The following ZNF462 variants were observed in gnomAD, a reference collection of about 807,000 sequenced individuals.
ZNF462 encodes the protein zinc finger PBX1-interacting protein.
ZNF462 carries 10 observed loss-of-function variants against 201.9 expected under a neutral mutation model. The observed-to-expected ratio is 0.05, with a 90% CI of 0.03 to 0.08. The LOEUF (loss-of-function observed/expected upper bound fraction) is 0.08, where lower values mean the gene tolerates loss of function less well. Among genes scored for constraint, ZNF462 ranks in the 10% least tolerant of loss-of-function variants. ZNF462 has a pLI of 1.00. For synonymous variants in ZNF462, 1,227 were observed against 1,193.3 expected (o/e 1.03, Z -0.58); for missense variants, 2,523 against 3,168.3 (o/e 0.80, Z 4.89).
At chr9:106,873,298 G>A (rs1264785591) in intron 1 of ZNF462, among the ~76,000 whole-genome samples, 1 of 151,820 alleles carries the variant, frequency 6.6e-6, no homozygotes, top group African/African-American at 2.4e-5. Flanking sequence ...GGAGATGATA[G>A]GGAAAAAAAG....
rs1031161815 is a variant in ZNF462, at chr9:106,905,240, TG to T, written c.-30-18109del. ...CGAGTCCACCCAGCAACAGGCTGGT[TG>T]GGGGTTTCTGCACAGAGTCCTGTGA... On this transcript the variant is annotated intron_variant, in intron 1 of 12. Coordinates refer to ENST00000277225, the MANE Select transcript of ZNF462 (RefSeq NM_021224.6). This position sits in a 1 kb window ranked among gnomAD's most constrained non-coding sequence, Gnocchi z 5.9. Among the ~76,000 whole-genome samples the T allele has an allele frequency of 1.3e-5, 2 of 152,112 alleles. No homozygotes were observed. The highest frequency in any genetic ancestry group is 4.8e-5 in the African/African-American group (2 of 41,440).
intron 11 of ZNF462, among the ~76,000 whole-genome samples, chr9:107,007,009 T>G (rs1330592672): frequency 1.3e-5 from 2 of 152,196 alleles, no homozygotes; most frequent in African/African-American, 4.8e-5. Context: ...AATGATTTCT[T>G]AACATCTCTG....
intron 1 of ZNF462, among the ~76,000 whole-genome samples, chr9:106,922,009 T>C (rs1295349475): frequency 6.6e-6 from 1 of 152,206 alleles, no homozygotes; most frequent in Non-Finnish European, 1.5e-5. Context: ...CCAGAAGTTA[T>C]TTTAGCAGGC....
In ZNF462 at chr9:106,927,360, G is replaced by A; in HGVS notation, c.3448G>A (p.Ala1150Thr). Residue 1150 changes from alanine (A) to threonine (T), a missense_variant, in exon 3 of 13, where the codon GCT becomes ACT. Ala to Thr is a moderately conservative substitution (Grantham distance 58). This residue lies in a region of ZNF462 where 222 missense variants were observed against 271.6 expected (regional missense o/e 0.82). Transcript: ENST00000277225. ...GGTTACTGCCAAATATATCAGACAG[G>A]CTCCTCCCACAGCTGCAATGATGAG... ...IKVTAKYIRQ[A>T]PPTAAMMRGV... The A allele has an allele frequency of 6.2e-7, 1 of 1,614,042 alleles. No individual in the cohort carries two copies. Among genetic ancestry groups the A allele is most frequent in the Non-Finnish European group, 8.5e-7 (1 of 1,180,006 alleles).
Position 106,972,855 on chromosome 9 carries a change from C to T in ZNF462, c.6695+583C>T, listed in dbSNP as rs1307072754. Among the ~76,000 whole-genome samples, 1 of 152,084 alleles carries T rather than the reference C, an allele frequency of 6.6e-6. No homozygotes were observed. Among genetic ancestry groups the T allele is most frequent in the Non-Finnish European group, 1.5e-5 (1 of 68,016 alleles). ...CTGTGGATGACAGAATTGATGGACT[C>T]AATTATTAAGAATGGAATGCTTCCT... is the stretch of plus-strand genomic sequence containing the variant. On this transcript the variant is annotated intron_variant, in intron 8 of 12. Coordinates refer to ENST00000277225, the MANE Select transcript of ZNF462 (RefSeq NM_021224.6). This position sits in a 1 kb window ranked among gnomAD's most constrained non-coding sequence, Gnocchi z 4.8.
intron 7 of ZNF462, among the ~76,000 whole-genome samples, chr9:106,940,607 A>G (rs1372324801): frequency 2.0e-5 from 3 of 152,248 alleles, no homozygotes; most frequent in African/African-American, 7.2e-5. Flanking sequence ...GTTCAACACT[A>G]TAGCTCCTTA....
chr9:107,009,597 T>C lies in ZNF462; in HGVS notation c.7242T>C (p.Phe2414=). Residue 2414 remains phenylalanine, a synonymous_variant, in exon 12 of 13, where the codon TTT becomes TTC. Coordinates refer to ENST00000277225, the MANE Select transcript of ZNF462 (RefSeq NM_021224.6). The surrounding 1 kb of genome is among the most constrained non-coding windows in gnomAD (Gnocchi z 6.1). ...CTGCTCTTAACACTGAGAAGCGTTT[T>C]CCATGTGAATTTTGTGGACGGGCGT... ...HGAALNTEKR[F]PCEFCGRAFS... is the part of the protein sequence containing the mutation. The C allele has an allele frequency of 6.2e-7, 1 of 1,614,020 alleles. No individual in the cohort carries two copies. The highest frequency in any genetic ancestry group is 8.5e-7 in the Non-Finnish European group (1 of 1,179,956).
At chr9:106,957,324 T>G (rs1315447862) in intron 7 of ZNF462, among the ~76,000 whole-genome samples, 1 of 152,070 alleles carries the variant, frequency 6.6e-6, no homozygotes, top group East Asian at 1.9e-4. Context: ...AACACACACA[T>G]TTATTGATTA....
In ZNF462 at chr9:106,984,592, C is replaced by T. The variant is rs1293829472; in HGVS notation, c.7056+183C>T. Among the ~76,000 whole-genome samples, 1 of 152,148 alleles carries T rather than the reference C, an allele frequency of 6.6e-6. No homozygotes were observed. The highest frequency in any genetic ancestry group is 2.4e-5 in the African/African-American group (1 of 41,434). ...AAGGTCATTTTTAAAAATTGCGAAACACAGGTTGGGTGGAAGGGAAATCAC... is the reference window on the plus strand; with the variant it reads ...AAGGTCATTTTTAAAAATTGCGAAATACAGGTTGGGTGGAAGGGAAATCAC... On this transcript the variant is annotated intron_variant, in intron 10 of 12. Coordinates refer to ENST00000277225, the MANE Select transcript of ZNF462 (RefSeq NM_021224.6). The surrounding 1 kb of genome is among the most constrained non-coding windows in gnomAD (Gnocchi z 6.4).
rs145884575 is a variant in ZNF462 at position 107,010,899 on chromosome 9, C to T, written c.7390C>T (p.Pro2464Ser). The change falls in exon 13 of 13, where the codon CCC becomes TCC. Residue 2464 changes from proline (P) to serine (S), a missense_variant. Physicochemically the swap from Pro to Ser is moderately conservative, Grantham distance 74. Transcript: ENST00000277225. The surrounding 1 kb of genome is among the most constrained non-coding windows in gnomAD (Gnocchi z 4.6). Reference protein sequence around the residue: ...KEIMENSVKMPSIEEKEDDEA... With the variant: ...KEIMENSVKMSSIEEKEDDEA... ...GATCATGGAGAACAGTGTTAAAATGCCCTCCATAGAGGAAAAGGAAGATGA... is the reference window on the plus strand; with the variant it reads ...GATCATGGAGAACAGTGTTAAAATGTCCTCCATAGAGGAAAAGGAAGATGA... 414 of 1,613,552 alleles carry T rather than the reference C, an allele frequency of 2.6e-4. 2 individuals are homozygous for T. In the African/African-American group the frequency reaches 4.5e-3, roughly 17 times the overall value.
In ZNF462 at chr9:106,876,018, T is replaced by C. The variant is rs1397462382; in HGVS notation, c.-31+12663T>C. Among the ~76,000 whole-genome samples, 1 of 152,120 alleles carries C rather than the reference T, an allele frequency of 6.6e-6. No individual in the cohort carries two copies. Among genetic ancestry groups the C allele is most frequent in the Non-Finnish European group, 1.5e-5 (1 of 68,020 alleles). ...TTCTCTAAAACATCAAGAGTGCAAATAGTCATCTCTTAGAATTTCTGGGGT... is the reference window on the plus strand; with the variant it reads ...TTCTCTAAAACATCAAGAGTGCAAACAGTCATCTCTTAGAATTTCTGGGGT... On this transcript the variant is annotated intron_variant, in intron 1 of 12. Coordinates refer to ENST00000277225, the MANE Select transcript of ZNF462 (RefSeq NM_021224.6). This position sits in a 1 kb window ranked among gnomAD's most constrained non-coding sequence, Gnocchi z 4.9.
intron 7 of ZNF462, among the ~76,000 whole-genome samples, chr9:106,942,011 G>A (rs1830894145): frequency 6.6e-6 from 1 of 152,182 alleles, no homozygotes; most frequent in African/African-American, 2.4e-5. Context: ...GGGGCTATTG[G>A]CTCACAGTTA....
At position 107,007,540 on chromosome 9, in the gene ZNF462, G is replaced by T. The variant is rs541614815; in HGVS notation, c.7190-2005G>T. Among the ~76,000 whole-genome samples the T allele has an allele frequency of 1.1e-4, 16 of 152,342 alleles. 1 individual carries two copies. In the South Asian group the frequency reaches 3.1e-3, roughly 30 times the overall value. On this transcript the variant is annotated intron_variant, in intron 11 of 12. Coordinates refer to ENST00000277225, the MANE Select transcript of ZNF462 (RefSeq NM_021224.6). ...GGGGGATTTACATGAGTAACTTCCA[G>T]TCACATTAATGGGAATTACAAGCCT...
At position 106,932,387 on chromosome 9, in the gene ZNF462, A is replaced by C. The variant is rs1223534196; in HGVS notation, c.6013-59A>C. 10 of 1,611,630 alleles carry C rather than the reference A, an allele frequency of 6.2e-6. No individual in the cohort carries two copies. Among genetic ancestry groups the C allele is most frequent in the African/African-American group, 1.3e-5 (1 of 74,864 alleles). On this transcript the variant is annotated intron_variant, in intron 4 of 12. Transcript: ENST00000277225. This position sits in a 1 kb window ranked among gnomAD's most constrained non-coding sequence, Gnocchi z 6.8. ...TTGCTTGATGGAATGTTGGAGGATGAAACCCGGCCGGGGGGATACCATTGC... is the reference window on the plus strand; with the variant it reads ...TTGCTTGATGGAATGTTGGAGGATGCAACCCGGCCGGGGGGATACCATTGC...
Position 106,993,125 on chromosome 9 carries a change from G to A in ZNF462, c.7056+8716G>A, listed in dbSNP as rs915097749. ...ATCTACAGAATAAACTATAAGACAC[G>A]TAGAATGTATTTTCAGTTAAAGGAT... On this transcript the variant is annotated intron_variant, in intron 10 of 12. Transcript: ENST00000277225. This position sits in a 1 kb window ranked among gnomAD's most constrained non-coding sequence, Gnocchi z 4.0. 3.3e-5 allele frequency among the ~76,000 whole-genome samples: 5 copies of A among 152,072 alleles called. No homozygotes were observed. Among genetic ancestry groups the A allele is most frequent in the East Asian group, 3.9e-4 (2 of 5,194 alleles).
Position 106,924,882 on chromosome 9 carries a change from A to G in ZNF462, c.970A>G (p.Met324Val), listed in dbSNP as rs1830127746. ...TACCGTCTCCAACTTCAGGGGCTCC[A>G]TGGGCAACTCCATCATGAGACCCAA... ...NTTVSNFRGS[M>V]GNSIMRPNSS... is the part of the protein sequence containing the mutation. Residue 324 changes from methionine to valine, a missense_variant, in exon 3 of 13, where the codon ATG (methionine) becomes GTG (valine). Physicochemically the swap from Met to Val is conservative, Grantham distance 21. Around this residue, in one of 15 missense-constraint regions of ZNF462, gnomAD observed 480 missense variants for 544.4 expected, o/e 0.88. Coordinates refer to ENST00000277225, the MANE Select transcript of ZNF462 (RefSeq NM_021224.6). This position sits in a 1 kb window ranked among gnomAD's most constrained non-coding sequence, Gnocchi z 6.2. 1 of 1,614,176 alleles carries G rather than the reference A, an allele frequency of 6.2e-7. No individual in the cohort carries two copies.
rs1238964261 is a variant in ZNF462, at chr9:107,006,114, G to A, written c.7189+2688G>A. Among the ~76,000 whole-genome samples the A allele has an allele frequency of 6.6e-6, 1 of 152,158 alleles. No individual in the cohort carries two copies. The highest frequency in any genetic ancestry group is 1.5e-5 in the Non-Finnish European group (1 of 68,034). On this transcript the variant is annotated intron_variant, in intron 11 of 12. Transcript: ENST00000277225. This position sits in a 1 kb window ranked among gnomAD's most constrained non-coding sequence, Gnocchi z 4.3. ...TTGTAGTCAACTTTGAAGTCGGGTA[G>A]GGTGGTGCCTCCAACTTCGTTCTGT...
At position 106,928,763 on chromosome 9, in the gene ZNF462, C is replaced by G. The variant is rs745563857; in HGVS notation, c.4851C>G (p.Val1617=). ...CCCAGTCGCCCCCGAAGCTGCCAGT[C>G]CCCCTCGAGCCCGAGATGACCACTG... is the stretch of plus-strand genomic sequence containing the variant. ...VFSQSPPKLP[V]PLEPEMTTEV... The change falls in exon 3 of 13, where the codon GTC becomes GTG. Residue 1617 remains valine, a synonymous_variant. Coordinates refer to ENST00000277225, the MANE Select transcript of ZNF462 (RefSeq NM_021224.6). This position sits in a 1 kb window ranked among gnomAD's most constrained non-coding sequence, Gnocchi z 9.3. The G allele has an allele frequency of 1.2e-6, 2 of 1,613,988 alleles. No homozygotes were observed. Among genetic ancestry groups the G allele is most frequent in the Non-Finnish European group, 1.7e-6 (2 of 1,180,034 alleles).
At position 106,863,425 on chromosome 9, in the gene ZNF462, G is replaced by A. The variant is rs7044274; in HGVS notation, c.-31+70G>A. 2.3e-3 allele frequency: 893 copies of A among 387,606 alleles called. 10 individuals carry two copies. The highest frequency in any genetic ancestry group is 0.017 in the African/African-American group (822 of 48,436). 24.0% of individuals were successfully genotyped at this position (387,606 alleles called of 1,614,324 possible). A position where few individuals can be genotyped will look rare whatever the true frequency, so the allele number is the denominator to read the frequency against. On this transcript the variant is annotated intron_variant, in intron 1 of 12. Coordinates refer to ENST00000277225, the MANE Select transcript of ZNF462 (RefSeq NM_021224.6). The stretch of plus-strand genomic sequence containing the variant: ...TCCGGGGAAGAGAGCGCGGGGTGGT[G>A]GAGGCACAAACGCGCTCATTCATTC...
Sources: gnomAD v4.1 joint callset for allele counts (sites outside exome capture counted in the v4.1 genomes callset) on GRCh38, gnomAD v4.1.1 for gene constraint, gnomAD v4.1.1 regional missense constraint, Gnocchi (gnomAD v3.1) non-coding constraint, MANE v1.5 for transcripts, NCBI Gene and HGNC (gene_info 2026-07-23, HGNC 2026-07-21) for gene names.